The following KIRREL3 variants were observed in gnomAD, a reference collection of about 807,000 sequenced individuals.
KIRREL3 encodes the protein kirre like nephrin family adhesion molecule 3.
In KIRREL3, 36 loss-of-function variants were observed where a neutral mutation model predicts 89.7. The observed-to-expected ratio is 0.40, with a 90% CI of 0.31 to 0.53. The LOEUF is 0.53. KIRREL3 is among the 20% of genes least tolerant of loss of function. The pLI is 0.49. For synonymous variants in KIRREL3, 445 were observed against 441.4 expected (o/e 1.01, Z -0.10); for missense variants, 864 against 1,056.6 (o/e 0.82, Z 2.53).
intron 1 of KIRREL3, among the ~76,000 whole-genome samples, chr11:126,678,469 A>G (rs1475936693): frequency 6.6e-6 from 1 of 151,960 alleles, no homozygotes; most frequent in Non-Finnish European, 1.5e-5. Context: ...GCATGGTGGC[A>G]GGCGCCTGTA....
At chr11:126,813,319 T>C (rs1470234006) in intron 1 of KIRREL3, among the ~76,000 whole-genome samples, 1 of 152,204 alleles carries the variant, frequency 6.6e-6, no homozygotes, top group Admixed American at 6.5e-5. Context: ...ACATGTTCAC[T>C]AGTCCAAAGC....
intron 1 of KIRREL3, among the ~76,000 whole-genome samples, chr11:126,792,227 T>C (rs2134362522): frequency 6.6e-6 from 1 of 152,330 alleles, no homozygotes; most frequent in Middle Eastern, 3.4e-3. Flanking sequence ...CTTTCCAATC[T>C]GTAGAATGGA....
Position 126,449,278 on chromosome 11 carries a change from T to TG in KIRREL3, c.849-122dup, listed in dbSNP as rs898773890. ...GTTGTGTGGCAAGTGGGGAGTCCTC[T>TG]GGGGTCCGTCAAGGGGAATCTTCAC... is the stretch of plus-strand genomic sequence containing the variant. On this transcript the variant is annotated intron_variant, in intron 7 of 16. Coordinates refer to ENST00000525144, the MANE Select transcript of KIRREL3 (RefSeq NM_032531.4). 5.5e-6 allele frequency: 6 copies of TG among 1,094,410 alleles called. No homozygotes were observed. In the African/African-American group the frequency reaches 9.4e-5, roughly 17 times the overall value. 67.8% of individuals were successfully genotyped at this position (1,094,410 alleles called of 1,614,324 possible). A position where few individuals can be genotyped will look rare whatever the true frequency, so the allele number is the denominator to read the frequency against.
chr11:126,741,013 A>AG (rs1948963943), intron 1 of KIRREL3, among the ~76,000 whole-genome samples: 1 of 152,148 alleles, frequency 6.6e-6, no homozygotes, highest in African/African-American at 2.4e-5. Flanking sequence ...CACCACAAGG[A>AG]GCTCATTCCT....
chr11:126,923,144 T>TCC (rs1947445591), intron 1 of KIRREL3, among the ~76,000 whole-genome samples: 1 of 14,290 alleles, frequency 7.0e-5, no homozygotes, highest in Non-Finnish European at 1.4e-4. Context: ...CTTCTTCTTC[T>TCC]TCTTCTTCTT....
intron 1 of KIRREL3, among the ~76,000 whole-genome samples, chr11:126,916,814 C>T (rs1327386792): frequency 2.0e-5 from 3 of 152,142 alleles, no homozygotes; most frequent in Non-Finnish European, 4.4e-5. Flanking sequence ...CACATATGCA[C>T]CTGCAGAAAG....
intron 1 of KIRREL3, among the ~76,000 whole-genome samples, chr11:126,714,458 C>CGG (rs1369138547): frequency 6.6e-6 from 1 of 152,144 alleles, no homozygotes; most frequent in Non-Finnish European, 1.5e-5. Context: ...TGTGGGACAG[C>CGG]GGGTGTGATG....
rs903103234 is a variant in KIRREL3 at position 126,443,343 on chromosome 11, G to T, written c.1252+1636C>A. Reference sequence around the variant, plus strand: ...TCACTGGGGCCTGGAGCTCTGAGCCGAGTGTCAGACACCTGCGCTGAAAGG... The same window carrying T: ...TCACTGGGGCCTGGAGCTCTGAGCCTAGTGTCAGACACCTGCGCTGAAAGG... On this transcript the variant is annotated intron_variant, in intron 10 of 16. Transcript: ENST00000525144. The surrounding 1 kb of genome is among the most constrained non-coding windows in gnomAD (Gnocchi z 7.3). 1.3e-5 allele frequency among the ~76,000 whole-genome samples: 2 copies of T among 152,200 alleles called. No individual in the cohort carries two copies. Among genetic ancestry groups the T allele is most frequent in the African/African-American group, 4.8e-5 (2 of 41,448 alleles).
Position 126,876,393 on chromosome 11 carries a change from T to A in KIRREL3, c.55+124062A>T, listed in dbSNP as rs1945287211. Among the ~76,000 whole-genome samples, 1 of 152,140 alleles carries A rather than the reference T, an allele frequency of 6.6e-6. No homozygotes were observed. Among genetic ancestry groups the A allele is most frequent in the African/African-American group, 2.4e-5 (1 of 41,420 alleles). On this transcript the variant is annotated intron_variant, in intron 1 of 16. Coordinates refer to ENST00000525144, the MANE Select transcript of KIRREL3 (RefSeq NM_032531.4). This position sits in a 1 kb window ranked among gnomAD's most constrained non-coding sequence, Gnocchi z 4.1. ...GTGGTAAAAAGATGCTTGGTGCCCA[T>A]CTGGATAATTTCATCCTACAGCACA...
intron 1 of KIRREL3, among the ~76,000 whole-genome samples, chr11:126,822,378 T>A (rs1310751702): frequency 1.3e-5 from 2 of 152,180 alleles, no homozygotes; most frequent in African/African-American, 4.8e-5. Context: ...CCTTGGTGAG[T>A]GCTCTAGAAC....
chr11:126,760,825 A>C (rs1949645196), intron 1 of KIRREL3, among the ~76,000 whole-genome samples: 1 of 152,192 alleles, frequency 6.6e-6, no homozygotes, highest in Non-Finnish European at 1.5e-5. Context: ...AATAATACCT[A>C]TTGATAGGAT....
At position 126,471,916 on chromosome 11, in the gene KIRREL3, G is replaced by A. The variant is rs1053658391; in HGVS notation, c.591+1393C>T. Among the ~76,000 whole-genome samples the A allele has an allele frequency of 6.6e-6, 1 of 152,152 alleles. No individual in the cohort carries two copies. The highest frequency in any genetic ancestry group is 1.5e-5 in the Non-Finnish European group (1 of 68,030). On this transcript the variant is annotated intron_variant, in intron 5 of 16. Transcript: ENST00000525144. The surrounding 1 kb of genome is among the most constrained non-coding windows in gnomAD (Gnocchi z 5.4). Reference sequence around the variant, plus strand: ...AGCCCTTGGTATCGTGTGTGAATTAGAGACCAGAACCCCTGTTGGTAGACA... The same window carrying A: ...AGCCCTTGGTATCGTGTGTGAATTAAAGACCAGAACCCCTGTTGGTAGACA...
intron 4 of KIRREL3, among the ~76,000 whole-genome samples, chr11:126,517,563 G>T (rs928473142): frequency 2.0e-5 from 3 of 152,156 alleles, no homozygotes; most frequent in Non-Finnish European, 4.4e-5. Context: ...AGGACCCCAG[G>T]GCTGAACAGG....
rs1014041579 is a variant in KIRREL3 at position 126,568,724 on chromosome 11, T to A, written c.56-5812A>T. 7.2e-5 allele frequency among the ~76,000 whole-genome samples: 11 copies of A among 152,278 alleles called. No individual in the cohort carries two copies. The East Asian group carries it at 2.1e-3, about 29-fold the overall frequency. On this transcript the variant is annotated intron_variant, in intron 1 of 16. Coordinates refer to ENST00000525144, the MANE Select transcript of KIRREL3 (RefSeq NM_032531.4). The surrounding 1 kb of genome is among the most constrained non-coding windows in gnomAD (Gnocchi z 4.6). ...AACGGTAAGACCCTCCTCACATGAT[T>A]CATATGAAAAGCAAATGAGCCAACA...
rs1333774110 is a variant in KIRREL3 at position 126,990,557 on chromosome 11, A to C, written c.55+9898T>G. Among the ~76,000 whole-genome samples the C allele has an allele frequency of 1.3e-5, 2 of 152,128 alleles. No homozygotes were observed. Among genetic ancestry groups the C allele is most frequent in the African/African-American group, 4.8e-5 (2 of 41,420 alleles). On this transcript the variant is annotated intron_variant, in intron 1 of 16. Coordinates refer to ENST00000525144, the MANE Select transcript of KIRREL3 (RefSeq NM_032531.4). This position sits in a 1 kb window ranked among gnomAD's most constrained non-coding sequence, Gnocchi z 6.3. The stretch of plus-strand genomic sequence containing the variant: ...CTTTGCAAGCGCTGCTGCTGCCACC[A>C]TCAGGCTGACTGAGGCACTGCAGCC...
intron 1 of KIRREL3, among the ~76,000 whole-genome samples, chr11:126,711,489 G>A (rs1947752779): frequency 6.6e-6 from 1 of 152,154 alleles, no homozygotes; most frequent in African/African-American, 2.4e-5. Flanking sequence ...TTGAACCCAG[G>A]AGGCAGAGGT....
At chr11:126,834,255 T>C (rs1565337625) in intron 1 of KIRREL3, among the ~76,000 whole-genome samples, 1 of 152,212 alleles carries the variant, frequency 6.6e-6, no homozygotes, top group African/African-American at 2.4e-5. Flanking sequence ...TCATAGGTCA[T>C]TTGGCCCAGA....
chr11:126,587,378 A>G lies in KIRREL3; in HGVS notation c.56-24466T>C, dbSNP rs895562091. On this transcript the variant is annotated intron_variant, in intron 1 of 16. Coordinates refer to ENST00000525144, the MANE Select transcript of KIRREL3 (RefSeq NM_032531.4). The surrounding 1 kb of genome is among the most constrained non-coding windows in gnomAD (Gnocchi z 5.2). ...AGAGCTGCAGGGGAAGCTGTGAGGC[A>G]TGAGGCAGAGAGGTAAGCCAGGAGT... Among the ~76,000 whole-genome samples the G allele has an allele frequency of 6.6e-6, 1 of 152,184 alleles. No individual in the cohort carries two copies. Among genetic ancestry groups the G allele is most frequent in the African/African-American group, 2.4e-5 (1 of 41,448 alleles).
rs1173570300 is a variant in KIRREL3 at position 126,553,067 on chromosome 11, C to T, written c.133+9768G>A. The stretch of plus-strand genomic sequence containing the variant: ...GTGTGTGTGAGCACACTCGTGAAGG[C>T]GTGCAAGCCAGCCCTTCATGCTTTT... On this transcript the variant is annotated intron_variant, in intron 2 of 16. Transcript: ENST00000525144. The surrounding 1 kb of genome is among the most constrained non-coding windows in gnomAD (Gnocchi z 4.7). Among the ~76,000 whole-genome samples the T allele has an allele frequency of 2.0e-5, 3 of 152,150 alleles. No homozygotes were observed. Among genetic ancestry groups the T allele is most frequent in the South Asian group, 2.1e-4 (1 of 4,826 alleles).
Sources: gnomAD v4.1 joint callset for allele counts (sites outside exome capture counted in the v4.1 genomes callset) on GRCh38, gnomAD v4.1.1 for gene constraint, Gnocchi (gnomAD v3.1) non-coding constraint, MANE v1.5 for transcripts, NCBI Gene and HGNC (gene_info 2026-07-23, HGNC 2026-07-21) for gene names.